The following DSCAM variants were observed in gnomAD, a reference collection of about 807,000 sequenced individuals.
DSCAM encodes the protein cell adhesion molecule DSCAM.
In DSCAM, 47 loss-of-function variants were observed where a neutral mutation model predicts 217.7. That is an observed-to-expected ratio of 0.22 (90% CI 0.17 to 0.28). DSCAM has a LOEUF of 0.28. DSCAM is among the 10% of genes least tolerant of loss of function. The probability of loss-of-function intolerance (pLI) is 1.00; values close to 1 mark genes in which losing one functional copy is unlikely to be tolerated. For synonymous variants in DSCAM, 1,056 were observed against 1,015.3 expected, an observed-to-expected ratio of 1.04 and a Z score of -0.76; for missense variants, 2,080 against 2,618.3, an observed-to-expected ratio of 0.79 and a Z score of 4.49.
intron 3 of DSCAM, among the ~76,000 whole-genome samples, chr21:40,477,540 T>A (rs928367006): frequency 6.6e-6 from 1 of 152,200 alleles, no homozygotes; most frequent in Non-Finnish European, 1.5e-5. Context: ...ACTTACATCC[T>A]TTCCAGAGAA....
intron 1 of DSCAM, among the ~76,000 whole-genome samples, chr21:40,775,266 T>C (rs560965955): frequency 1.3e-5 from 2 of 152,240 alleles, no homozygotes; most frequent in South Asian, 2.1e-4. Flanking sequence ...AGGCGAGGAA[T>C]ATGGGTGCCA....
intron 30 of DSCAM, among the ~76,000 whole-genome samples, chr21:40,049,549 G>A (rs879238830): frequency 2.0e-5 from 3 of 152,164 alleles, no homozygotes; most frequent in Non-Finnish European, 4.4e-5. Context: ...TTAGTTCCAT[G>A]TCTAATGTCT....
intron 9 of DSCAM, 31 bp from the exon 10 acceptor site, chr21:40,296,205 A>T (rs2073952253): frequency 3.1e-6 from 5 of 1,611,474 alleles, no homozygotes; most frequent in Non-Finnish European, 2.5e-6. Context: ...CCAGTAATTA[A>T]GACTAGACCA....
At chr21:40,542,507 G>A (rs1296922619) in intron 3 of DSCAM, among the ~76,000 whole-genome samples, 1 of 152,198 alleles carries the variant, frequency 6.6e-6, no homozygotes, top group African/African-American at 2.4e-5. Context: ...AGGTCGTGAG[G>A]GTGGGACCCT....
At chr21:40,760,267 T>A (rs891683240) in intron 1 of DSCAM, among the ~76,000 whole-genome samples, 4 of 152,118 alleles carry the variant, frequency 2.6e-5, no homozygotes, top group Non-Finnish European at 5.9e-5. Flanking sequence ...CTGCCCACCA[T>A]GGCCTCCCAA....
At chr21:40,722,847 C>T (rs1027885279) in intron 1 of DSCAM, among the ~76,000 whole-genome samples, 76 of 151,982 alleles carry the variant, frequency 5.0e-4, no homozygotes, top group African/African-American at 1.6e-3. Context: ...TAAGCTAACA[C>T]TACTCTAAAG....
intron 11 of DSCAM, among the ~76,000 whole-genome samples, chr21:40,191,304 G>T (rs1322041486): frequency 6.6e-6 from 1 of 152,158 alleles, no homozygotes; most frequent in Non-Finnish European, 1.5e-5. Context: ...GTGCCCCACA[G>T]CACTGACCGT....
At position 40,016,155 on chromosome 21, in the gene DSCAM, T is replaced by G. The variant is rs550362368; in HGVS notation, c.5687-2769A>C. 1.4e-4 allele frequency among the ~76,000 whole-genome samples: 22 copies of G among 152,108 alleles called. No homozygotes were observed. The South Asian group carries it at 4.2e-3, about 29-fold the overall frequency. On this transcript the variant is annotated intron_variant, in intron 32 of 32. Transcript: ENST00000400454. The surrounding 1 kb of genome is among the most constrained non-coding windows in gnomAD (Gnocchi z 4.3). ...GGTAAAGGATGTGCAGGGAGAGAGA[T>G]ATGATGATGGTCTGAGCTCAGGAGC...
chr21:40,028,780 C>T (rs1051087265), intron 32 of DSCAM, among the ~76,000 whole-genome samples: 101 of 152,148 alleles, frequency 6.6e-4, no homozygotes, highest in African/African-American at 2.2e-3. Context: ...ATGGAAATGC[C>T]GAGATCACCC....
intron 3 of DSCAM, among the ~76,000 whole-genome samples, chr21:40,548,086 T>C (rs1212295030): frequency 6.6e-6 from 1 of 152,170 alleles, no homozygotes; most frequent in Non-Finnish European, 1.5e-5. Context: ...CACTCCCCAT[T>C]GCCTGCACCC....
chr21:40,311,693 A>T (rs2074139111), intron 9 of DSCAM, among the ~76,000 whole-genome samples: 1 of 152,130 alleles, frequency 6.6e-6, no homozygotes, highest in African/African-American at 2.4e-5. Context: ...TTTGAGACAT[A>T]TTTTTTAAAA....
intron 28 of DSCAM, 136 bp downstream of exon 28, chr21:40,062,733 G>A: frequency 1.3e-6 from 1 of 772,602 alleles, no homozygotes; most frequent in Non-Finnish European, 2.0e-6. Context: ...GAATGTATAG[G>A]AAATTACAGT....
chr21:40,020,248 C>T (rs771144218), intron 32 of DSCAM, among the ~76,000 whole-genome samples: 3 of 152,192 alleles, frequency 2.0e-5, no homozygotes, highest in Non-Finnish European at 4.4e-5. Flanking sequence ...CTGTCACCTT[C>T]CGCCATGATT....
At chr21:40,271,400 A>G (rs1189099581) in intron 11 of DSCAM, among the ~76,000 whole-genome samples, 1 of 152,270 alleles carries the variant, frequency 6.6e-6, no homozygotes, top group Non-Finnish European at 1.5e-5. Flanking sequence ...CGGCTTGTTC[A>G]CTGTGGGCCA....
intron 3 of DSCAM, among the ~76,000 whole-genome samples, chr21:40,601,892 A>G (rs941619902): frequency 2.6e-5 from 4 of 152,084 alleles, no homozygotes; most frequent in Non-Finnish European, 4.4e-5. Flanking sequence ...TTCTTTTTAT[A>G]CATTGTTGGA....
chr21:40,214,429 T>A (rs79834150), intron 11 of DSCAM, among the ~76,000 whole-genome samples: 5,257 of 152,304 alleles, frequency 0.035, 129 homozygotes, highest in African/African-American at 0.066. Context: ...TCTTGTTGTT[T>A]TGTTTTTCCA....
chr21:40,441,127 T>A (rs1419235328), intron 3 of DSCAM, among the ~76,000 whole-genome samples: 2 of 152,142 alleles, frequency 1.3e-5, no homozygotes, highest in Non-Finnish European at 2.9e-5. Flanking sequence ...AAAGGGAGTG[T>A]CTGTCTCTGA....
At chr21:40,399,831 C>T (rs958540627) in intron 3 of DSCAM, among the ~76,000 whole-genome samples, 6 of 152,162 alleles carry the variant, frequency 3.9e-5, no homozygotes, top group Non-Finnish European at 8.8e-5. Context: ...TTAAGAGGTA[C>T]GTAAAATAAT....
chr21:40,139,386 C>G (rs2090261238), intron 18 of DSCAM, among the ~76,000 whole-genome samples: 1 of 151,942 alleles, frequency 6.6e-6, no homozygotes, highest in Admixed American at 6.6e-5. Context: ...GTCTGGAAGG[C>G]AGGACAACCT....
Sources: allele counts gnomAD v4.1 joint callset (sites outside exome capture counted in the v4.1 genomes callset), GRCh38; gene constraint gnomAD v4.1.1; non-coding constraint Gnocchi (gnomAD v3.1); transcripts MANE v1.5; gene names NCBI Gene and HGNC (gene_info 2026-07-23, HGNC 2026-07-21).